QPRT: variants seen among roughly 807,000 people sequenced by gnomAD.
QPRT encodes the protein nicotinate-nucleotide pyrophosphorylase [carboxylating].
Under a neutral mutation model 19.8 loss-of-function variants are expected in QPRT, and 17 were observed. The ratio of observed to expected loss-of-function variants is 0.86; its 90% CI spans 0.59 to 1.29. The LOEUF is 1.29. Ranked by LOEUF, QPRT falls within the 50% of genes most tolerant of loss-of-function variation. The pLI is 0.00. For synonymous variants in QPRT, 178 were observed against 191.0 expected, an observed-to-expected ratio of 0.93 and a Z score of 0.56; for missense variants, 336 against 405.1, an observed-to-expected ratio of 0.83 and a Z score of 1.46.
chr16:29,679,081 G>T, upstream of QPRT: 4 of 1,584,842 alleles, frequency 2.5e-6, no homozygotes, highest in Non-Finnish European at 3.5e-6. Context: ...CCTGGGAAGG[G>T]CCGGCTGACA....
rs186209262 is a variant in QPRT at position 29,681,440 on chromosome 16, C to T, written c.13+2230C>T. Reference sequence around the variant, plus strand: ...GAAATTGTGTGTCTTTGTGAGAACACGGTTACGCATTTTTCTGGGAAGGAG... The same window carrying T: ...GAAATTGTGTGTCTTTGTGAGAACATGGTTACGCATTTTTCTGGGAAGGAG... On this transcript the variant is annotated intron_variant, in intron 1 of 3. Transcript: ENST00000395384. Among the ~76,000 whole-genome samples, 57 of 148,712 alleles carry T rather than the reference C, an allele frequency of 3.8e-4. 1 individual carries two copies. The South Asian group carries it at 6.6e-3, about 17-fold the overall frequency.
At chr16:29,694,110 C>G (rs1306120678) in intron 1 of QPRT, among the ~76,000 whole-genome samples, 2 of 151,706 alleles carry the variant, frequency 1.3e-5, no homozygotes, top group African/African-American at 4.8e-5. Context: ...GCCACCGCAC[C>G]CGGTCAGAAG....
At chr16:29,681,579 C>T (rs529709109) in intron 1 of QPRT, among the ~76,000 whole-genome samples, 187 of 148,940 alleles carry the variant, frequency 1.3e-3, no homozygotes, top group Non-Finnish European at 2.3e-3. Context: ...TCGCTGCAAC[C>T]TCTGCCTCCC....
intron 1 of QPRT, among the ~76,000 whole-genome samples, chr16:29,691,901 C>A (rs552009829): frequency 6.6e-6 from 1 of 152,244 alleles, no homozygotes; most frequent in South Asian, 2.1e-4. Context: ...GGAGACTCAG[C>A]AGCTTGGCTT....
At chr16:29,693,872 G>A (rs1371748109) in intron 1 of QPRT, among the ~76,000 whole-genome samples, 1 of 152,054 alleles carries the variant, frequency 6.6e-6, no homozygotes, top group African/African-American at 2.4e-5. Flanking sequence ...TTACAGGCGT[G>A]AGCCACCGCG....
In QPRT at chr16:29,694,664, G is replaced by A. The variant is rs1967459372; in HGVS notation, c.14G>A (p.Gly5Asp). The change falls in exon 2 of 4, where the codon GGC becomes GAC. Residue 5 changes from glycine to aspartate, a missense_variant and splice_region_variant. Coordinates refer to ENST00000395384, the MANE Select transcript of QPRT (RefSeq NM_014298.6). MDAE[G>D]LALLLPPVTL... ...AACAGCTGTTCTCTCTTCCCCCCAG[G>A]CCTGGCGCTGCTGCTGCCGCCCGTC... 6.5e-7 allele frequency: 1 copy of A among 1,540,432 alleles called. No homozygotes were observed. The highest frequency in any genetic ancestry group is 8.7e-7 in the Non-Finnish European group (1 of 1,143,504).
chr16:29,691,277 A>T (rs937691446), intron 1 of QPRT, among the ~76,000 whole-genome samples: 1 of 145,510 alleles, frequency 6.9e-6, no homozygotes, highest in Non-Finnish European at 1.5e-5. Flanking sequence ...AGGCAGAAGA[A>T]TCCCTGGAAC....
intron 1 of QPRT, among the ~76,000 whole-genome samples, chr16:29,687,403 C>T (rs1035744809): frequency 6.6e-5 from 10 of 152,168 alleles, no homozygotes; most frequent in Non-Finnish European, 1.5e-4. Context: ...AGAGAGGTTG[C>T]GTAGCACAGT....
chr16:29,679,570 G>C (rs1007664288), intron 1 of QPRT, among the ~76,000 whole-genome samples: 5 of 151,920 alleles, frequency 3.3e-5, no homozygotes, highest in East Asian at 3.9e-4. Context: ...CTGGTAGCTC[G>C]GGAGAAGCAG....
intron 1 of QPRT, among the ~76,000 whole-genome samples, chr16:29,688,429 C>A (rs1967226144): frequency 6.6e-6 from 1 of 152,106 alleles, no homozygotes; most frequent in African/African-American, 2.4e-5. Context: ...AGTCCAAGGC[C>A]TAACTGGAAA....
chr16:29,680,927 C>T (rs1006610499), intron 1 of QPRT, among the ~76,000 whole-genome samples: 4 of 151,704 alleles, frequency 2.6e-5, no homozygotes, highest in East Asian at 1.9e-4. Context: ...GGCGACAGAG[C>T]GAGACTCCAT....
At chr16:29,683,140 C>G (rs1391746190) in intron 1 of QPRT, among the ~76,000 whole-genome samples, 1 of 151,696 alleles carries the variant, frequency 6.6e-6, no homozygotes. Context: ...TTCTCTCACC[C>G]CAGTCTCCCG....
At chr16:29,694,605 G>A in intron 1 of QPRT, 59 bp from the exon 2 acceptor site, 1 of 1,481,040 alleles carries the variant, frequency 6.8e-7, no homozygotes, top group East Asian at 2.3e-5. Context: ...TATTTTGACA[G>A]TGACCCCTGA....
In QPRT at chr16:29,681,295, A is replaced by G. The variant is rs117416924; in HGVS notation, c.13+2085A>G. ...CACTGGTCTCACGGGGTTGTAATGA[A>G]GATTAAATACCTTAGCAGATGTCAA... On this transcript the variant is annotated intron_variant, in intron 1 of 3. Coordinates refer to ENST00000395384, the MANE Select transcript of QPRT (RefSeq NM_014298.6). Among the ~76,000 whole-genome samples the G allele has an allele frequency of 7.3e-4, 111 of 152,100 alleles. 3 individuals carry two copies. The East Asian group carries it at 0.014, about 19-fold the overall frequency.
upstream of QPRT, chr16:29,679,021 T>G: frequency 9.2e-7 from 1 of 1,082,450 alleles, no homozygotes; most frequent in Non-Finnish European, 1.3e-6. Context: ...TTTCAGGGCC[T>G]GCTGAGGAAT....
chr16:29,696,841 T>C, intron 2 of QPRT, 155 bp from the exon 3 acceptor site: 1 of 846,348 alleles, frequency 1.2e-6, no homozygotes. Flanking sequence ...CCCAAGTTCA[T>C]GGTCCACCCG....
intron 1 of QPRT, among the ~76,000 whole-genome samples, chr16:29,679,881 A>G (rs189622638): frequency 2.3e-4 from 35 of 152,050 alleles, no homozygotes; most frequent in Non-Finnish European, 3.8e-4. Context: ...TGTGCGCGTC[A>G]TTTGAAAGAT....
At chr16:29,688,629 C>T (rs1967231328) in intron 1 of QPRT, among the ~76,000 whole-genome samples, 2 of 152,128 alleles carry the variant, frequency 1.3e-5, no homozygotes, top group Non-Finnish European at 2.9e-5. Context: ...AAGCAATTCT[C>T]GTGCCTCAGC....
At chr16:29,693,918 A>G in intron 1 of QPRT, among the ~76,000 whole-genome samples, 1 of 150,942 alleles carries the variant, frequency 6.6e-6, no homozygotes, top group Non-Finnish European at 1.5e-5. Flanking sequence ...AGTGAATTTG[A>G]AAGCTGCAAC....
Sources: gnomAD v4.1 joint callset for allele counts (sites outside exome capture counted in the v4.1 genomes callset) on GRCh38, gnomAD v4.1.1 for gene constraint, MANE v1.5 for transcripts, NCBI Gene and HGNC (gene_info 2026-07-23, HGNC 2026-07-21) for gene names.